UGT8: variants seen among roughly 807,000 people sequenced by gnomAD.
UGT8 encodes 2-hydroxyacylsphingosine 1-beta-galactosyltransferase.
UGT8 carries 12 observed loss-of-function variants against 40.5 expected under a neutral mutation model. That is an observed-to-expected ratio of 0.30 (90% CI 0.19 to 0.48). UGT8 has a LOEUF of 0.48. UGT8 is among the 20% of genes least tolerant of loss of function. The pLI, the probability that UGT8 is intolerant of heterozygous loss-of-function variation, is 0.99. For synonymous variants in UGT8, 224 were observed against 240.4 expected (o/e 0.93, Z 0.63); for missense variants, 513 against 648.7 (o/e 0.79, Z 2.27).
chr4:114,604,130 G>A (rs1730597880), intron 1 of UGT8, among the ~76,000 whole-genome samples: 1 of 152,120 alleles, frequency 6.6e-6, no homozygotes, highest in Non-Finnish European at 1.5e-5. Flanking sequence ...CCAGTCAGGA[G>A]GGTCTGGTGG....
chr4:114,672,463 A>G (rs974558751), intron 5 of UGT8, among the ~76,000 whole-genome samples: 1 of 152,260 alleles, frequency 6.6e-6, no homozygotes, highest in Non-Finnish European at 1.5e-5. Context: ...TGTGGTATAT[A>G]TACCATGGAA....
intron 2 of UGT8, among the ~76,000 whole-genome samples, chr4:114,625,861 A>T (rs1732179732): frequency 6.6e-6 from 1 of 152,126 alleles, no homozygotes; most frequent in African/African-American, 2.4e-5. Context: ...ATAATTTCTC[A>T]TTTGACACTG....
chr4:114,626,624 GTCCA>G (rs1425978712), intron 2 of UGT8, among the ~76,000 whole-genome samples: 1 of 152,180 alleles, frequency 6.6e-6, no homozygotes, highest in Non-Finnish European at 1.5e-5. Flanking sequence ...ATAGGGAATA[GTCCA>G]TCCATTTCTC....
chr4:114,598,657 G>T (rs1195993521), upstream of UGT8: 2 of 152,152 alleles, frequency 1.3e-5, no homozygotes, highest in Non-Finnish European at 2.9e-5. Context: ...CGGAAGGGCA[G>T]CGGCGCGCTC....
intron 2 of UGT8, among the ~76,000 whole-genome samples, chr4:114,641,670 C>T (rs1364775803): frequency 1.3e-5 from 2 of 151,998 alleles, no homozygotes; most frequent in African/African-American, 4.8e-5. Flanking sequence ...AGTAAAGTGA[C>T]TGTAGTAACC....
chr4:114,613,875 A>T (rs1449905292), intron 1 of UGT8, among the ~76,000 whole-genome samples: 3 of 152,178 alleles, frequency 2.0e-5, no homozygotes, highest in African/African-American at 7.2e-5. Context: ...TTTGAAAACA[A>T]CTTCATTAGG....
intron 2 of UGT8, chr4:114,656,694 T>C (rs1264838820): frequency 6.8e-6 from 3 of 443,054 alleles, no homozygotes; most frequent in Non-Finnish European, 9.3e-6. Flanking sequence ...AGATACTTTG[T>C]TGTGATCTTG....
At chr4:114,663,955 T>C (rs368605660) in intron 2 of UGT8, 40 bp from the exon 3 acceptor site, 21 of 1,610,282 alleles carry the variant, frequency 1.3e-5, no homozygotes, top group Middle Eastern at 1.7e-4. Context: ...ATAAACTACA[T>C]TGGTCTTCGT....
Position 114,676,414 on chromosome 4 carries a change from C to A in UGT8, c.*126C>A. 2 of 778,748 alleles carry A rather than the reference C, an allele frequency of 2.6e-6. No individual in the cohort carries two copies. Among genetic ancestry groups the A allele is most frequent in the South Asian group, 2.3e-5 (1 of 43,566 alleles). The allele number at this position is 778,748 out of a possible 1,614,324, so 48.2% of individuals were successfully genotyped here. Reference sequence around the variant, plus strand: ...TTCTAACATGCCCTTATGAGATCTACTAATGAAATTCTGTGGAATTAAGAT... The same window carrying A: ...TTCTAACATGCCCTTATGAGATCTAATAATGAAATTCTGTGGAATTAAGAT... On this transcript the variant is annotated 3_prime_UTR_variant, in exon 6 of 6. Coordinates refer to ENST00000310836, the MANE Select transcript of UGT8 (RefSeq NM_001128174.3).
intron 2 of UGT8, among the ~76,000 whole-genome samples, chr4:114,641,686 A>G (rs1733233113): frequency 6.6e-6 from 1 of 152,344 alleles, no homozygotes; most frequent in African/African-American, 2.4e-5. Context: ...TAACCCATGT[A>G]GTAAACCACT....
chr4:114,641,920 G>T (rs904619343), intron 2 of UGT8, among the ~76,000 whole-genome samples: 6 of 152,092 alleles, frequency 3.9e-5, no homozygotes, highest in African/African-American at 1.4e-4. Flanking sequence ...AAATCAACGT[G>T]ACTGATAGTT....
At chr4:114,648,513 ATAATT>A (rs1200972605) in intron 2 of UGT8, among the ~76,000 whole-genome samples, 1 of 152,102 alleles carries the variant, frequency 6.6e-6, no homozygotes, top group Non-Finnish European at 1.5e-5. Flanking sequence ...TCAGGTATAT[ATAATT>A]TATTTCAATT....
At position 114,623,440 on chromosome 4, in the gene UGT8, G is replaced by T; in HGVS notation, c.560G>T (p.Arg187Leu). The T allele has an allele frequency of 3.1e-6, 5 of 1,614,146 alleles. No individual in the cohort carries two copies. The highest frequency in any genetic ancestry group is 1.7e-5 in the Admixed American group (1 of 60,010). ...VPEFNSLLTDRMNLLQRMKNT... is the reference protein window; with the variant it reads ...VPEFNSLLTDLMNLLQRMKNT... Reference sequence around the variant, plus strand: ...GAGTTTAACTCACTCCTCACAGACCGCATGAACTTGCTGCAAAGGATGAAA... The same window carrying T: ...GAGTTTAACTCACTCCTCACAGACCTCATGAACTTGCTGCAAAGGATGAAA... The change falls in exon 2 of 6, where the codon CGC becomes CTC. Residue 187 changes from arginine (R) to leucine (L), a missense_variant. Coordinates refer to ENST00000310836, the MANE Select transcript of UGT8 (RefSeq NM_001128174.3).
chr4:114,632,915 T>C (rs998153741), intron 2 of UGT8, among the ~76,000 whole-genome samples: 1 of 152,220 alleles, frequency 6.6e-6, no homozygotes, highest in East Asian at 1.9e-4. Flanking sequence ...ATTTCCAGAC[T>C]TTTTATCAGT....
chr4:114,647,700 A>C (rs1733660762), intron 2 of UGT8, among the ~76,000 whole-genome samples: 1 of 152,024 alleles, frequency 6.6e-6, no homozygotes, highest in Admixed American at 6.6e-5. Context: ...GAAGGTAAGG[A>C]CTGCTTGTAT....
rs146555142 is a variant in UGT8 at position 114,646,277 on chromosome 4, A to G, written c.823-17718A>G. Among the ~76,000 whole-genome samples, 14 of 152,176 alleles carry G rather than the reference A, an allele frequency of 9.2e-5. No individual in the cohort carries two copies. In the East Asian group the frequency reaches 2.7e-3, roughly 29 times the overall value. ...CTTTATTTGAACAAAAGAGCAACAT[A>G]AACTATTTGTTTGAAATTCAATGTG... On this transcript the variant is annotated intron_variant, in intron 2 of 5. Transcript: ENST00000310836.
At chr4:114,647,182 C>T (rs915658153) in intron 2 of UGT8, among the ~76,000 whole-genome samples, 1 of 151,964 alleles carries the variant, frequency 6.6e-6, no homozygotes, top group African/African-American at 2.4e-5. Flanking sequence ...AGTAGTATTG[C>T]CTGAGATGTT....
chr4:114,670,668 A>G (rs2079511077), intron 5 of UGT8, among the ~76,000 whole-genome samples: 1 of 152,074 alleles, frequency 6.6e-6, no homozygotes, highest in South Asian at 2.1e-4. Flanking sequence ...CATATCTCAA[A>G]ACAATAAGAG....
intron 2 of UGT8, among the ~76,000 whole-genome samples, chr4:114,649,638 T>A (rs1191545387): frequency 1.3e-5 from 2 of 152,104 alleles, no homozygotes; most frequent in Admixed American, 6.6e-5. Context: ...TTTTGTTACA[T>A]CTCATTGACC....
Sources: allele counts gnomAD v4.1 joint callset (sites outside exome capture counted in the v4.1 genomes callset), GRCh38; gene constraint gnomAD v4.1.1; transcripts MANE v1.5; gene names NCBI Gene and HGNC (gene_info 2026-07-23, HGNC 2026-07-21).